Variants in CCDC122 observed in about 807,000 individuals in gnomAD.
CCDC122 encodes coiled-coil domain-containing protein 122.
A neutral mutation model predicts 37.0 loss-of-function variants in CCDC122; 38 were observed. The observed-to-expected ratio is 1.03, with a 90% CI of 0.79 to 1.35. The LOEUF (loss-of-function observed/expected upper bound fraction) is 1.35, where lower values mean the gene tolerates loss of function less well. Among genes scored for constraint, CCDC122 ranks in the 40% most tolerant of loss-of-function variants. The probability of loss-of-function intolerance (pLI) is 0.00; values close to 1 mark genes in which losing one functional copy is unlikely to be tolerated. For synonymous variants in CCDC122, 83 were observed against 95.6 expected, an observed-to-expected ratio of 0.87 and a Z score of 0.77; for missense variants, 305 against 310.0, an observed-to-expected ratio of 0.98 and a Z score of 0.12.
chr13:43,820,848 C>T (rs564623440), downstream of CCDC122, among the ~76,000 whole-genome samples: 57 of 152,268 alleles, frequency 3.7e-4, no homozygotes, highest in East Asian at 8.3e-3. Flanking sequence ...GTCCAGTACA[C>T]GTTAGCTTTT....
rs1953193817 is a variant in CCDC122 at position 43,837,222 on chromosome 13, G to A, written c.*58C>T. 1 of 1,509,900 alleles carries A rather than the reference G, an allele frequency of 6.6e-7. No individual in the cohort carries two copies. Among genetic ancestry groups the A allele is most frequent in the Non-Finnish European group, 9.0e-7 (1 of 1,113,948 alleles). 93.5% of individuals were successfully genotyped at this position (1,509,900 alleles called of 1,614,324 possible). Reference sequence around the variant, plus strand: ...TAAGAATCCAAAAGATTTTCTTAATGTTCTGTCCAGTAATTTTTGTTGTCA... The same window carrying A: ...TAAGAATCCAAAAGATTTTCTTAATATTCTGTCCAGTAATTTTTGTTGTCA... On this transcript the variant is annotated 3_prime_UTR_variant, in exon 7 of 7. Coordinates refer to ENST00000444614, the MANE Select transcript of CCDC122 (RefSeq NM_144974.5).
chr13:43,854,213 T>C (rs1384292529), intron 6 of CCDC122: 1 of 150,756 alleles, frequency 6.6e-6, no homozygotes, highest in Admixed American at 6.6e-5. Flanking sequence ...TTTGAAAAAA[T>C]TAATAAAACA....
At chr13:43,825,647 G>A (rs544425476) in intron 3 of CCDC122, among the ~76,000 whole-genome samples, 1 of 152,122 alleles carries the variant, frequency 6.6e-6, no homozygotes, top group East Asian at 1.9e-4. Context: ...GTGTGCGCTT[G>A]TAGTCCCAGC....
At chr13:43,832,044 A>G (rs539536749), downstream of CCDC122, among the ~76,000 whole-genome samples, 2 of 150,776 alleles carry the variant, frequency 1.3e-5, no homozygotes, top group South Asian at 2.2e-4. Context: ...TTTTGGTCAT[A>G]GTTCAGTAAT....
At chr13:43,871,025 C>T (rs537521611) in intron 2 of CCDC122, among the ~76,000 whole-genome samples, 6 of 152,164 alleles carry the variant, frequency 3.9e-5, no homozygotes, top group Admixed American at 1.3e-4. Context: ...CTGACTTACA[C>T]GAAAACTTCG....
chr13:43,852,971 A>C (rs114932800), intron 6 of CCDC122, among the ~76,000 whole-genome samples: 373 of 152,296 alleles, frequency 2.4e-3, no homozygotes, highest in African/African-American at 8.7e-3. Flanking sequence ...CTGCCTTATA[A>C]GAGCTCCTGA....
chr13:43,823,318 C>CAA (rs1316372657), downstream of CCDC122, among the ~76,000 whole-genome samples: 1 of 152,110 alleles, frequency 6.6e-6, no homozygotes, highest in East Asian at 1.9e-4. Flanking sequence ...ATCCAAGATT[C>CAA]AAGACAACGT....
chr13:43,845,564 T>C (rs1953493094), intron 6 of CCDC122, among the ~76,000 whole-genome samples: 1 of 151,914 alleles, frequency 6.6e-6, no homozygotes, highest in Admixed American at 6.6e-5. Flanking sequence ...TACAAAAAAT[T>C]AGCAGGGCAT....
chr13:43,846,022 C>G (rs1300718837), intron 6 of CCDC122, among the ~76,000 whole-genome samples: 1 of 152,002 alleles, frequency 6.6e-6, no homozygotes, highest in Non-Finnish European at 1.5e-5. Context: ...TCTGAGTCAA[C>G]TGTTGCTATT....
chr13:43,863,101 A>T (rs1490882757), intron 4 of CCDC122, among the ~76,000 whole-genome samples: 2 of 152,104 alleles, frequency 1.3e-5, no homozygotes, highest in Non-Finnish European at 2.9e-5. Context: ...TGCTCATAAG[A>T]CCATCACCAC....
At chr13:43,835,174 G>C (rs1055148757), downstream of CCDC122, among the ~76,000 whole-genome samples, 1 of 151,872 alleles carries the variant, frequency 6.6e-6, no homozygotes, top group Non-Finnish European at 1.5e-5. Context: ...CATGGATGAA[G>C]CTGGAAGCCA....
At chr13:43,876,365 T>C (rs2153881235) in intron 1 of CCDC122, among the ~76,000 whole-genome samples, 1 of 152,336 alleles carries the variant, frequency 6.6e-6, no homozygotes, top group Non-Finnish European at 1.5e-5. Flanking sequence ...TGAGAAGATT[T>C]ACATAGCATT....
In CCDC122 at chr13:43,874,833, A is replaced by C. The variant is rs9533669; in HGVS notation, c.-114+9T>G. 6.6e-6 allele frequency: 1 copy of C among 152,282 alleles called. No homozygotes were observed. The highest frequency in any genetic ancestry group is 2.4e-5 in the African/African-American group (1 of 41,450). 9.4% of individuals were successfully genotyped at this position (152,282 alleles called of 1,614,324 possible). On this transcript the variant is annotated intron_variant, in intron 2 of 6. Transcript: ENST00000444614. The stretch of plus-strand genomic sequence containing the variant: ...GAATTAATTGAATAATTAAAAATAA[A>C]CTGTATACCTATTATACACCAGTAC...
At chr13:43,835,978 C>T (rs1351073117), downstream of CCDC122, among the ~76,000 whole-genome samples, 3 of 152,114 alleles carry the variant, frequency 2.0e-5, no homozygotes, top group African/African-American at 7.2e-5. Context: ...TGCTAAGCCA[C>T]AATAAAACTA....
rs571806842 is a variant in CCDC122 at position 43,848,791 on chromosome 13, A to G, written c.672+9990T>C. The G allele has an allele frequency of 6.2e-6, 5 of 806,634 alleles. No individual in the cohort carries two copies. The South Asian group carries it at 2.8e-4, about 46-fold the overall frequency. The allele number at this position is 806,634 out of a possible 1,614,324, so 50.0% of individuals were successfully genotyped here. A position where few individuals can be genotyped will look rare whatever the true frequency, so the allele number is the denominator to read the frequency against. The stretch of plus-strand genomic sequence containing the variant: ...TGAGAACCAAAATATGTAAAACACA[A>G]TATTTAAAATAATTAGAACAAAATA... On this transcript the variant is annotated intron_variant, in intron 6 of 6. Coordinates refer to ENST00000444614, the MANE Select transcript of CCDC122 (RefSeq NM_144974.5).
At chr13:43,830,436 G>A (rs1368580896) in intron 3 of CCDC122, among the ~76,000 whole-genome samples, 3 of 152,192 alleles carry the variant, frequency 2.0e-5, no homozygotes, top group African/African-American at 7.2e-5. Flanking sequence ...TATTATTGAA[G>A]TCTTCCCCAG....
chr13:43,834,569 G>A (rs541790794), downstream of CCDC122, among the ~76,000 whole-genome samples: 1 of 152,164 alleles, frequency 6.6e-6, no homozygotes, highest in Non-Finnish European at 1.5e-5. Flanking sequence ...ATCTGACAAA[G>A]GGCTAATATC....
chr13:43,859,617 T>C lies in CCDC122; in HGVS notation c.555+55A>G, dbSNP rs909029898. Reference sequence around the variant, plus strand: ...CAATAAATTTATCATTTAATGTATGTACTTGCAAAAAAGGAGTAATAGAAA... The same window carrying C: ...CAATAAATTTATCATTTAATGTATGCACTTGCAAAAAAGGAGTAATAGAAA... On this transcript the variant is annotated intron_variant, in intron 5 of 6. Coordinates refer to ENST00000444614, the MANE Select transcript of CCDC122 (RefSeq NM_144974.5). The C allele has an allele frequency of 1.9e-5, 25 of 1,294,250 alleles. No individual in the cohort carries two copies. In the African/African-American group the frequency reaches 3.8e-4, roughly 20 times the overall value. The allele number at this position is 1,294,250 out of a possible 1,614,324, so 80.2% of individuals were successfully genotyped here.
intron 2 of CCDC122, among the ~76,000 whole-genome samples, chr13:43,873,158 CCTT>C (rs1289994388): frequency 6.6e-6 from 1 of 152,092 alleles, no homozygotes; most frequent in African/African-American, 2.4e-5. Flanking sequence ...CCTCAGGCTT[CCTT>C]CTTTTCTCAT....
Sources: gnomAD v4.1 joint callset for allele counts (sites outside exome capture counted in the v4.1 genomes callset) on GRCh38, gnomAD v4.1.1 for gene constraint, MANE v1.5 for transcripts, NCBI Gene and HGNC (gene_info 2026-07-23, HGNC 2026-07-21) for gene names.